The following NREP variants were observed in gnomAD, a reference collection of about 807,000 sequenced individuals.
NREP encodes neuronal regeneration-related protein.
A neutral mutation model predicts 8.6 loss-of-function variants in NREP; 5 were observed. The ratio of observed to expected loss-of-function variants is 0.58; its 90% CI spans 0.30 to 1.22. The LOEUF (loss-of-function observed/expected upper bound fraction) is 1.22. Ranked by LOEUF, NREP falls within the 50% of genes most tolerant of loss-of-function variation. The pLI, the probability that NREP is intolerant of heterozygous loss-of-function variation, is 0.07. For synonymous variants in NREP, 27 were observed against 28.0 expected, an observed-to-expected ratio of 0.96 and a Z score of 0.11; for missense variants, 86 against 82.5, an observed-to-expected ratio of 1.04 and a Z score of -0.17.
intron 2 of NREP, among the ~76,000 whole-genome samples, chr5:111,848,284 A>C (rs1023286377): frequency 6.6e-6 from 1 of 152,194 alleles, no homozygotes; most frequent in Non-Finnish European, 1.5e-5. Context: ...CCATATGGAT[A>C]TATTTCTAGT....
At chr5:111,809,485 G>T (rs1445942085) in intron 2 of NREP, among the ~76,000 whole-genome samples, 1 of 152,146 alleles carries the variant, frequency 6.6e-6, no homozygotes, top group East Asian at 1.9e-4. Flanking sequence ...CTCATGAATG[G>T]CTCAATGCCA....
chr5:111,872,506 T>C (rs2112498488), intron 2 of NREP, among the ~76,000 whole-genome samples: 1 of 152,268 alleles, frequency 6.6e-6, no homozygotes, highest in South Asian at 2.1e-4. Flanking sequence ...TAATCATCAC[T>C]ATATTCAAGC....
intron 2 of NREP, among the ~76,000 whole-genome samples, chr5:111,843,970 ATG>A (rs1753095204): frequency 6.6e-5 from 10 of 152,220 alleles, no homozygotes; most frequent in Admixed American, 6.5e-4. Flanking sequence ...GATTTCCTAA[ATG>A]TCAACTATAT....
chr5:111,746,531 G>T (rs1172207793), intron 2 of NREP, among the ~76,000 whole-genome samples: 2 of 152,072 alleles, frequency 1.3e-5, no homozygotes, highest in African/African-American at 2.4e-5. Context: ...GATATGGACA[G>T]AATTTTTGAT....
At chr5:111,823,765 G>T (rs1752562181) in intron 2 of NREP, among the ~76,000 whole-genome samples, 1 of 152,152 alleles carries the variant, frequency 6.6e-6, no homozygotes, top group South Asian at 2.1e-4. Context: ...GAAGTCCAGA[G>T]TAATTCAATG....
intron 2 of NREP, among the ~76,000 whole-genome samples, chr5:111,859,716 G>T (rs1753502517): frequency 6.6e-6 from 1 of 152,036 alleles, no homozygotes; most frequent in African/African-American, 2.4e-5. Context: ...AAACAGAATG[G>T]TTCCAGGAAT....
intron 2 of NREP, among the ~76,000 whole-genome samples, chr5:111,885,552 C>A (rs1399624334): frequency 1.3e-5 from 2 of 152,082 alleles, no homozygotes; most frequent in East Asian, 1.9e-4. Flanking sequence ...GGAGGCATCA[C>A]GCTACCTGAC....
intron 2 of NREP, among the ~76,000 whole-genome samples, chr5:111,780,407 G>A (rs987886317): frequency 6.6e-6 from 1 of 152,072 alleles, no homozygotes; most frequent in African/African-American, 2.4e-5. Flanking sequence ...AGGGAAACAG[G>A]GAGAGAGGAA....
chr5:111,910,263 A>C (rs1754875840), intron 2 of NREP, among the ~76,000 whole-genome samples: 1 of 152,020 alleles, frequency 6.6e-6, no homozygotes, highest in Non-Finnish European at 1.5e-5. Context: ...TTAGTCTTTG[A>C]CGTGGAAGCA....
At chr5:111,739,483 C>A (rs940242608) in intron 2 of NREP, 1 of 152,186 alleles carries the variant, frequency 6.6e-6, no homozygotes, top group Non-Finnish European at 1.5e-5. Context: ...CTGACAATGA[C>A]CCTATCACTG....
intron 2 of NREP, among the ~76,000 whole-genome samples, chr5:111,772,970 G>A (rs149395237): frequency 2.6e-5 from 4 of 152,134 alleles, no homozygotes; most frequent in Admixed American, 6.5e-5. Flanking sequence ...TTTAGGTTCC[G>A]TGTTTATCTG....
At chr5:111,775,804 A>G in intron 2 of NREP, among the ~76,000 whole-genome samples, 1 of 152,156 alleles carries the variant, frequency 6.6e-6, no homozygotes, top group Non-Finnish European at 1.5e-5. Flanking sequence ...TGTGACTCCT[A>G]TCACAAAGAA....
chr5:111,773,534 T>C (rs1479146645), intron 2 of NREP, among the ~76,000 whole-genome samples: 1 of 152,200 alleles, frequency 6.6e-6, no homozygotes, highest in Non-Finnish European at 1.5e-5. Context: ...TTATCTTTAA[T>C]AAAATTTGTT....
chr5:111,814,457 C>T (rs1205291816), intron 2 of NREP, among the ~76,000 whole-genome samples: 3 of 152,090 alleles, frequency 2.0e-5, no homozygotes, highest in South Asian at 4.1e-4. Flanking sequence ...AGAAAAACAA[C>T]GATTCCCCTC....
chr5:111,879,993 G>C (rs1185098939), intron 2 of NREP, among the ~76,000 whole-genome samples: 1 of 152,112 alleles, frequency 6.6e-6, no homozygotes, highest in East Asian at 1.9e-4. Context: ...TATGAATTTG[G>C]GGAGATATAA....
intron 2 of NREP, among the ~76,000 whole-genome samples, chr5:111,958,586 T>A (rs541982628): frequency 6.6e-6 from 1 of 151,932 alleles, no homozygotes; most frequent in Non-Finnish European, 1.5e-5. Context: ...CAGAAGCACA[T>A]AGTTTAATCT....
chr5:111,753,817 G>A (rs926772083), intron 2 of NREP, among the ~76,000 whole-genome samples: 1 of 151,496 alleles, frequency 6.6e-6, no homozygotes, highest in African/African-American at 2.4e-5. Flanking sequence ...TTTTAATCAA[G>A]GGAAGAAAAC....
At position 111,823,222 on chromosome 5, in the gene NREP, C is replaced by T. The variant is rs142601827; in HGVS notation, c.136-87715G>A. ...AGTGAGAACTCACTCACTGCCTCCTCCAAGGGAAGACATTAATCTATTCAT... is the reference window on the plus strand; with the variant it reads ...AGTGAGAACTCACTCACTGCCTCCTTCAAGGGAAGACATTAATCTATTCAT... On this transcript the variant is annotated intron_variant, in intron 2 of 3. Transcript: ENST00000395634. Among the ~76,000 whole-genome samples the T allele has an allele frequency of 1.2e-4, 18 of 152,294 alleles. No individual in the cohort carries two copies. In the East Asian group the frequency reaches 3.5e-3, roughly 29 times the overall value.
chr5:111,820,018 T>C (rs1337282955), intron 2 of NREP, among the ~76,000 whole-genome samples: 1 of 152,134 alleles, frequency 6.6e-6, no homozygotes, highest in Non-Finnish European at 1.5e-5. Flanking sequence ...TTAGTCAGAT[T>C]TTTGAGCTCT....
Sources: gnomAD v4.1 joint callset for allele counts (sites outside exome capture counted in the v4.1 genomes callset) on GRCh38, gnomAD v4.1.1 for gene constraint, MANE v1.5 for transcripts, NCBI Gene and HGNC (gene_info 2026-07-23, HGNC 2026-07-21) for gene names.